The following ACAT2 variants were observed in gnomAD, a reference collection of about 807,000 sequenced individuals.
ACAT2 encodes acetyl-CoA acetyltransferase 2.
ACAT2 carries 26 observed loss-of-function variants against 37.1 expected under a neutral mutation model. That is an observed-to-expected ratio of 0.70 (90% CI 0.51 to 0.97). The LOEUF (loss-of-function observed/expected upper bound fraction) is 0.97. Ranked by LOEUF, ACAT2 falls within the 50% of genes least tolerant of loss-of-function variation. The probability of loss-of-function intolerance (pLI) is 0.00; values close to 1 mark genes in which losing one functional copy is unlikely to be tolerated. For missense variants in ACAT2, 468 were observed against 489.0 expected (o/e 0.96, Z 0.40); for synonymous variants, 156 against 163.6 (o/e 0.95, Z 0.35).
intron 1 of ACAT2, chr6:159,762,545 T>A: frequency 7.6e-7 from 1 of 1,315,126 alleles, no homozygotes; most frequent in Non-Finnish European, 9.8e-7. Context: ...GGGGTCGGGC[T>A]GTCACACAAT....
At chr6:159,773,174 A>G (rs1241388344) in intron 4 of ACAT2, among the ~76,000 whole-genome samples, 1 of 152,200 alleles carries the variant, frequency 6.6e-6, no homozygotes, top group Admixed American at 6.5e-5. Context: ...TTTGTAGAAG[A>G]GAGTTACAAA....
chr6:159,771,169 G>A (rs375344555), intron 4 of ACAT2, among the ~76,000 whole-genome samples: 1 of 152,026 alleles, frequency 6.6e-6, no homozygotes, highest in Non-Finnish European at 1.5e-5. Context: ...ATCACCTGAG[G>A]TCGGGAGTTT....
At chr6:159,763,381 C>T (rs530010926) in intron 2 of ACAT2, among the ~76,000 whole-genome samples, 1 of 151,976 alleles carries the variant, frequency 6.6e-6, no homozygotes, top group South Asian at 2.1e-4. Flanking sequence ...AGCAAGACCC[C>T]GTCTCTACAA....
At chr6:159,769,806 GT>G (rs1345682925) in intron 4 of ACAT2, among the ~76,000 whole-genome samples, 1 of 152,178 alleles carries the variant, frequency 6.6e-6, no homozygotes, top group Non-Finnish European at 1.5e-5. Flanking sequence ...GATGGCTGGA[GT>G]TTGTGGGGCA....
rs1181094729 is a variant in ACAT2, at chr6:159,778,972, T to C, written c.*143T>C. ...CCAAGTTTACAGCTTGTACTTTACTTTAATGTGTAATACTCAACTCAAGGT... is the reference window on the plus strand; with the variant it reads ...CCAAGTTTACAGCTTGTACTTTACTCTAATGTGTAATACTCAACTCAAGGT... On this transcript the variant is annotated 3_prime_UTR_variant, in exon 9 of 9. Transcript: ENST00000367048. 6.4e-7 allele frequency: 1 copy of C among 1,563,794 alleles called. No homozygotes were observed. The highest frequency in any genetic ancestry group is 1.4e-5 in the African/African-American group (1 of 73,578).
In ACAT2 at chr6:159,776,157, T is replaced by C. The variant is rs201127508; in HGVS notation, c.642T>C (p.Ile214=). Residue 214 remains isoleucine (I), a synonymous_variant, in exon 6 of 9, where the codon ATT becomes ATC. Transcript: ENST00000367048. ...PVLVSTRKGL[I]EVKTDEFPRH... is the part of the protein sequence containing the mutation. ...TGGTTTTCCTTTGCTTAGGTCTTAT[T>C]GAAGTTAAAACAGATGAGTTTCCTC... 2.7e-5 allele frequency: 43 copies of C among 1,613,910 alleles called. No homozygotes were observed. In the Admixed American group the frequency reaches 6.0e-4, roughly 23 times the overall value.
Position 159,762,122 on chromosome 6 carries a change from C to G in ACAT2, c.35C>G (p.Ser12Trp). The change falls in exon 1 of 9, where the codon TCG (serine) becomes TGG (tryptophan). Residue 12 changes from serine to tryptophan, a missense_variant. Ser to Trp is a radical substitution (Grantham distance 177). Transcript: ENST00000367048. Reference sequence around the variant, plus strand: ...GGCTCAGATCCTGTGGTCATCGTCTCGGCGGCGCGGACCATCATAGGTGAG... The same window carrying G: ...GGCTCAGATCCTGTGGTCATCGTCTGGGCGGCGCGGACCATCATAGGTGAG... ...NAGSDPVVIV[S>W]AARTIIGSFN... The G allele has an allele frequency of 6.2e-7, 1 of 1,612,748 alleles. No individual in the cohort carries two copies. Among genetic ancestry groups the G allele is most frequent in the African/African-American group, 1.3e-5 (1 of 74,998 alleles).
At chr6:159,762,579 C>G in intron 1 of ACAT2, 1 of 1,360,090 alleles carries the variant, frequency 7.4e-7, no homozygotes, top group South Asian at 1.3e-5. Flanking sequence ...GACTTCGTCT[C>G]CTTCGTGCCG....
intron 4 of ACAT2, among the ~76,000 whole-genome samples, chr6:159,771,657 A>G (rs1780338785): frequency 6.6e-6 from 1 of 152,030 alleles, no homozygotes; most frequent in African/African-American, 2.4e-5. Flanking sequence ...TCTCAAAAAA[A>G]AAAAAAACAA....
At chr6:159,778,425 A>T (rs1264062549) in intron 8 of ACAT2, 145 bp downstream of exon 8, 2 of 19,252 alleles carry the variant, frequency 1.0e-4, no homozygotes, top group East Asian at 9.5e-4. Context: ...CCCAAGGTTT[A>T]AAAAAAAAAA....
intron 6 of ACAT2, 78 bp downstream of exon 6, chr6:159,776,350 A>G: frequency 6.6e-7 from 1 of 1,506,290 alleles, no homozygotes; most frequent in Non-Finnish European, 8.9e-7. Context: ...CTCTTTATTT[A>G]TATACAAAAG....
chr6:159,771,538 C>G (rs1194412233), intron 4 of ACAT2, among the ~76,000 whole-genome samples: 2 of 150,624 alleles, frequency 1.3e-5, no homozygotes, highest in African/African-American at 4.9e-5. Context: ...AAAAGAAGTT[C>G]AAAGACCAAG....
chr6:159,763,081 C>G lies in ACAT2; in HGVS notation c.190+28C>G. ...AAGTCTCAGTGATTCCAGGAGAAGT[C>G]AGGCTTATTAGAAACAGCCCATAAA... is the stretch of plus-strand genomic sequence containing the variant. On this transcript the variant is annotated intron_variant, in intron 2 of 8. Transcript: ENST00000367048. 1.9e-6 allele frequency: 3 copies of G among 1,597,212 alleles called. No individual in the cohort carries two copies. In the East Asian group the frequency reaches 6.7e-5, roughly 36 times the overall value.
chr6:159,773,443 G>A (rs1780368608), intron 4 of ACAT2, among the ~76,000 whole-genome samples: 1 of 152,094 alleles, frequency 6.6e-6, no homozygotes, highest in Non-Finnish European at 1.5e-5. Context: ...CCTTTCCAAG[G>A]CTAGGGAAAA....
chr6:159,779,034 G>A lies in ACAT2; in HGVS notation c.*205G>A. ...GCATTTAACATTGTTATAAATAAAAGGAACATCAGATCAATCATTAAGGGC... is the reference window on the plus strand; with the variant it reads ...GCATTTAACATTGTTATAAATAAAAAGAACATCAGATCAATCATTAAGGGC... On this transcript the variant is annotated 3_prime_UTR_variant, in exon 9 of 9. Coordinates refer to ENST00000367048, the MANE Select transcript of ACAT2 (RefSeq NM_005891.3). 1 of 1,608,360 alleles carries A rather than the reference G, an allele frequency of 6.2e-7. No homozygotes were observed. The highest frequency in any genetic ancestry group is 1.1e-5 in the South Asian group (1 of 90,692).
intron 6 of ACAT2, 108 bp from the exon 7 acceptor site, chr6:159,777,194 G>T: frequency 7.9e-7 from 1 of 1,260,732 alleles, no homozygotes; most frequent in Admixed American, 2.3e-5. Flanking sequence ...AAATGCCTTA[G>T]CCAACAGGTA....
In ACAT2 at chr6:159,767,130, A is replaced by G; in HGVS notation, c.316A>G (p.Ile106Val). ...LKAVCLAVQS[I>V]GIGDSSIVVA... is the part of the protein sequence containing the mutation. ...AGCTGTGTGCCTTGCAGTCCAGTCAATAGGGATAGGAGACTCCAGCATTGT... is the reference window on the plus strand; with the variant it reads ...AGCTGTGTGCCTTGCAGTCCAGTCAGTAGGGATAGGAGACTCCAGCATTGT... The change falls in exon 3 of 9, where the codon ATA (isoleucine) becomes GTA (valine). Residue 106 changes from isoleucine to valine, a missense_variant. Ile to Val is a conservative substitution (Grantham distance 29, BLOSUM62 3). Coordinates refer to ENST00000367048, the MANE Select transcript of ACAT2 (RefSeq NM_005891.3). The G allele has an allele frequency of 6.2e-7, 1 of 1,614,186 alleles. No individual in the cohort carries two copies. The highest frequency in any genetic ancestry group is 2.2e-5 in the East Asian group (1 of 44,880).
chr6:159,763,105 AACACAC>A (rs112953742), intron 2 of ACAT2, 52 bp downstream of exon 2: 23 of 1,522,926 alleles, frequency 1.5e-5, no homozygotes, highest in East Asian at 1.4e-4. Flanking sequence ...ACAGCCCATA[AACACAC>A]ACACACACAC....
At chr6:159,765,992 C>G (rs1780249915) in intron 2 of ACAT2, among the ~76,000 whole-genome samples, 1 of 152,212 alleles carries the variant, frequency 6.6e-6, no homozygotes, top group Non-Finnish European at 1.5e-5. Flanking sequence ...ACCATTGACT[C>G]TGATAACAGA....
Sources: allele counts gnomAD v4.1 joint callset (sites outside exome capture counted in the v4.1 genomes callset), GRCh38; gene constraint gnomAD v4.1.1; transcripts MANE v1.5; gene names NCBI Gene and HGNC (gene_info 2026-07-23, HGNC 2026-07-21).